The following TCEA1 variants were observed in gnomAD, a reference collection of about 807,000 sequenced individuals.
TCEA1 encodes transcription elongation factor A protein 1.
TCEA1 carries 21 observed loss-of-function variants against 43.8 expected under a neutral mutation model. The ratio of observed to expected loss-of-function variants is 0.48; its 90% CI spans 0.34 to 0.69. The LOEUF (loss-of-function observed/expected upper bound fraction) is 0.69, where lower values mean the gene tolerates loss of function less well. TCEA1 is among the 30% of genes least tolerant of loss of function. The probability of loss-of-function intolerance (pLI) is 0.01; values close to 1 mark genes in which losing one functional copy is unlikely to be tolerated. For missense variants in TCEA1, 250 were observed against 365.1 expected, an observed-to-expected ratio of 0.68 and a Z score of 2.57; for synonymous variants, 104 against 117.5, an observed-to-expected ratio of 0.88 and a Z score of 0.75.
At position 54,010,457 on chromosome 8, in the gene TCEA1, A is replaced by G. The variant is rs1258935080; in HGVS notation, c.99T>C (p.Asn33=). Residue 33 remains asparagine (N), a synonymous_variant, in exon 2 of 10, where the codon AAT becomes AAC. Coordinates refer to ENST00000521604, the MANE Select transcript of TCEA1 (RefSeq NM_006756.4). ...GCAGTAATTCCAGGGTCATAGGAAT[A>G]TTCTTAAGCTCCTTTAGCAAATCCA... is the stretch of plus-strand genomic sequence containing the variant. The part of the protein sequence containing the change: ...GALDLLKELK[N]IPMTLELLQS... The G allele has an allele frequency of 6.2e-7, 1 of 1,606,696 alleles. No homozygotes were observed.
chr8:54,017,904 G>A (rs1459096188), intron 1 of TCEA1, among the ~76,000 whole-genome samples: 1 of 152,108 alleles, frequency 6.6e-6, no homozygotes, highest in Non-Finnish European at 1.5e-5. Context: ...TGAGTGACAT[G>A]ACTGCATGAG....
chr8:53,981,205 G>C (rs1224814711), intron 7 of TCEA1, among the ~76,000 whole-genome samples: 3 of 152,236 alleles, frequency 2.0e-5, no homozygotes, highest in African/African-American at 7.2e-5. Flanking sequence ...TGATGGAGAA[G>C]CTACGGCAAG....
chr8:53,979,293 CATTAA>C (rs1803434664), intron 7 of TCEA1, 122 bp from the exon 8 acceptor site: 4 of 1,097,254 alleles, frequency 3.6e-6, no homozygotes, highest in Non-Finnish European at 5.0e-6. Context: ...GTTTTAAAAG[CATTAA>C]ATTAATATTT....
Position 54,022,296 on chromosome 8 carries a change from CG to C in TCEA1, c.-172del. ...AAGCCCGCGGCGGCGGCGGCGGCGG[CG>C]GCGGCTCCGGCTCCTCCTCCCCAGG... On this transcript the variant is annotated 5_prime_UTR_variant, in exon 1 of 10. An upstream open reading frame in the 5' UTR loses its in-frame stop. Coordinates refer to ENST00000521604, the MANE Select transcript of TCEA1 (RefSeq NM_006756.4). 2 of 765,438 alleles carry C rather than the reference CG, an allele frequency of 2.6e-6. No homozygotes were observed. Among genetic ancestry groups the C allele is most frequent in the South Asian group, 3.1e-5 (2 of 63,652 alleles). The allele number at this position is 765,438 out of a possible 1,614,324, so 47.4% of individuals were successfully genotyped here.
At chr8:53,974,883 T>G (rs139127071) in intron 8 of TCEA1, among the ~76,000 whole-genome samples, 2 of 152,212 alleles carry the variant, frequency 1.3e-5, no homozygotes, top group African/African-American at 2.4e-5. Context: ...TAGAGCAGTA[T>G]CTACGCTTGT....
intron 1 of TCEA1, among the ~76,000 whole-genome samples, chr8:54,015,481 C>T (rs1469541057): frequency 1.3e-5 from 2 of 152,044 alleles, no homozygotes; most frequent in African/African-American, 4.8e-5. Context: ...TATCTATTTT[C>T]TTAAACAATG....
At chr8:53,987,135 T>C (rs1461333206) in intron 5 of TCEA1, 110 bp from the exon 6 acceptor site, 2 of 899,290 alleles carry the variant, frequency 2.2e-6, no homozygotes, top group African/African-American at 1.7e-5. Flanking sequence ...TTGCCTGACA[T>C]AAAGAAACCG....
intron 3 of TCEA1, among the ~76,000 whole-genome samples, chr8:53,998,949 C>A (rs755543862): frequency 1.3e-5 from 2 of 152,088 alleles, no homozygotes; most frequent in Non-Finnish European, 2.9e-5. Flanking sequence ...CTATGTGAGG[C>A]CAGGCGAGGT....
Position 53,967,291 on chromosome 8 carries a change from A to G in TCEA1, c.*813T>C, listed in dbSNP as rs1287347708. On this transcript the variant is annotated 3_prime_UTR_variant, in exon 10 of 10. Transcript: ENST00000521604. ...TTTCTTTCCAGTATGTCTTCCTAAGAGGGGAAAAAAATAGTGGGAAGTTTT... is the reference window on the plus strand; with the variant it reads ...TTTCTTTCCAGTATGTCTTCCTAAGGGGGGAAAAAAATAGTGGGAAGTTTT... 4.9e-6 allele frequency: 1 copy of G among 202,472 alleles called. No homozygotes were observed. Among genetic ancestry groups the G allele is most frequent in the Non-Finnish European group, 1.0e-5 (1 of 98,398 alleles). The allele number at this position is 202,472 out of a possible 1,614,324, so 12.5% of individuals were successfully genotyped here.
chr8:54,012,201 C>A (rs549127858), intron 1 of TCEA1, among the ~76,000 whole-genome samples: 36 of 152,316 alleles, frequency 2.4e-4, no homozygotes, highest in South Asian at 8.3e-4. Flanking sequence ...GGCAGCTAAA[C>A]CTAACCACAA....
intron 8 of TCEA1, chr8:53,973,875 G>A (rs951861802): frequency 6.9e-5 from 23 of 331,370 alleles, no homozygotes; most frequent in African/African-American, 5.2e-4. Flanking sequence ...ACTTACTCAG[G>A]CAATAAAGAA....
At chr8:53,985,540 G>A (rs980109560) in intron 6 of TCEA1, among the ~76,000 whole-genome samples, 1 of 152,116 alleles carries the variant, frequency 6.6e-6, no homozygotes, top group Non-Finnish European at 1.5e-5. Flanking sequence ...CAGCATGGCC[G>A]TGAGGGTTCC....
At chr8:54,004,420 G>C (rs1804373571) in intron 2 of TCEA1, among the ~76,000 whole-genome samples, 1 of 152,190 alleles carries the variant, frequency 6.6e-6, no homozygotes, top group Non-Finnish European at 1.5e-5. Context: ...AAATATCCAT[G>C]CAACTGAATA....
In TCEA1 at chr8:54,021,150, T is replaced by C. The variant is rs528045210; in HGVS notation, c.63+913A>G. Among the ~76,000 whole-genome samples, 5 of 152,242 alleles carry C rather than the reference T, an allele frequency of 3.3e-5. No homozygotes were observed. The South Asian group carries it at 6.2e-4, about 19-fold the overall frequency. ...GTTGCAGTGAGCCGAGATCAAGCCA[T>C]TGCACTCCAGCTTGTGCAACAAGAG... On this transcript the variant is annotated intron_variant, in intron 1 of 9. Transcript: ENST00000521604.
Position 53,999,686 on chromosome 8 carries a change from T to TAA in TCEA1, c.232+258_232+259insTT, listed in dbSNP as rs535547870. On this transcript the variant is annotated intron_variant, in intron 3 of 9. Transcript: ENST00000521604. The stretch of plus-strand genomic sequence containing the variant: ...TCAAAAGGTATCCACAACCTTTCCT[T>TAA]TAAGAGAAAATTCTTCTTACTGAAA... 2.1e-3 allele frequency: 804 copies of TAA among 387,462 alleles called. 8 individuals carry two copies. The highest frequency in any genetic ancestry group is 0.018 in the South Asian group (235 of 13,208). 24.0% of individuals were successfully genotyped at this position (387,462 alleles called of 1,614,324 possible). A position where few individuals can be genotyped will look rare whatever the true frequency, so the allele number is the denominator to read the frequency against.
rs765018364 is a variant in TCEA1, at chr8:53,993,770, A to T, written c.233-15T>A. 1 of 1,604,322 alleles carries T rather than the reference A, an allele frequency of 6.2e-7. No individual in the cohort carries two copies. The highest frequency in any genetic ancestry group is 8.5e-7 in the Non-Finnish European group (1 of 1,175,136). ...TGATGGCCCATCTGAAAATTATGAA[A>T]TCTCTTAAGTTGCTAGCATTTGTAA... On this transcript the variant is annotated splice_polypyrimidine_tract_variant and intron_variant, in intron 3 of 9. Transcript: ENST00000521604.
At chr8:54,011,779 A>C in intron 1 of TCEA1, among the ~76,000 whole-genome samples, 1 of 152,236 alleles carries the variant, frequency 6.6e-6, no homozygotes, top group East Asian at 1.9e-4. Context: ...TTTCATTTAA[A>C]GGTGACAGAC....
intron 6 of TCEA1, 31 bp downstream of exon 6, chr8:53,986,938 A>G: frequency 1.3e-6 from 2 of 1,526,704 alleles, no homozygotes; most frequent in Non-Finnish European, 1.8e-6. Context: ...TTATTAAAAA[A>G]AACAATTATG....
At chr8:53,990,989 G>A (rs968363308) in intron 4 of TCEA1, among the ~76,000 whole-genome samples, 2 of 152,144 alleles carry the variant, frequency 1.3e-5, no homozygotes, top group South Asian at 2.1e-4. Context: ...GTTGGGGCGG[G>A]GATGGGGTGT....
Sources: gnomAD v4.1 joint callset for allele counts (sites outside exome capture counted in the v4.1 genomes callset) on GRCh38, gnomAD v4.1.1 for gene constraint, MANE v1.5 for transcripts, NCBI Gene and HGNC (gene_info 2026-07-23, HGNC 2026-07-21) for gene names.